CTNNA3: variants seen among roughly 807,000 people sequenced by gnomAD.
The protein encoded by CTNNA3 is catenin alpha 3.
Under a neutral mutation model 95.7 loss-of-function variants are expected in CTNNA3, and 76 were observed. That is an observed-to-expected ratio of 0.79 (90% confidence interval 0.66 to 0.96). CTNNA3 has a LOEUF of 0.96. Ranked by LOEUF, CTNNA3 falls within the 40% of genes least tolerant of loss-of-function variation. The pLI is 0.00. For synonymous variants in CTNNA3, 431 were observed against 374.4 expected (o/e 1.15, Z -1.74); for missense variants, 1,191 against 1,089.8 (o/e 1.09, Z -1.31).
chr10:67,620,133 G>A (rs1195395030), intron 2 of CTNNA3, among the ~76,000 whole-genome samples: 1 of 152,156 alleles, frequency 6.6e-6, no homozygotes, highest in African/African-American at 2.4e-5. Context: ...ATGTAGCTGG[G>A]ACTTCGAATC....
At chr10:66,720,501 A>G (rs1437138263) in intron 9 of CTNNA3, among the ~76,000 whole-genome samples, 1 of 152,156 alleles carries the variant, frequency 6.6e-6, no homozygotes, top group African/African-American at 2.4e-5. Flanking sequence ...TTCTCTCTCT[A>G]ATGTGACTGA....
At chr10:66,083,363 C>G (rs1037917753) in intron 14 of CTNNA3, among the ~76,000 whole-genome samples, 4 of 152,124 alleles carry the variant, frequency 2.6e-5, no homozygotes, top group Admixed American at 6.5e-5. Context: ...GCAACTGGAC[C>G]AAGCAGCCTA....
At chr10:66,398,050 A>G (rs757155347) in intron 11 of CTNNA3, among the ~76,000 whole-genome samples, 8 of 151,896 alleles carry the variant, frequency 5.3e-5, no homozygotes, top group Non-Finnish European at 1.2e-4. Context: ...TATTTATATA[A>G]AAGATATTTT....
At chr10:66,324,185 T>G (rs143594790) in intron 12 of CTNNA3, among the ~76,000 whole-genome samples, 2 of 151,764 alleles carry the variant, frequency 1.3e-5, no homozygotes, top group Admixed American at 6.6e-5. Context: ...CCAGGTGTGG[T>G]GGCGCACACC....
At chr10:66,506,134 C>T (rs143201838) in intron 11 of CTNNA3, among the ~76,000 whole-genome samples, 1 of 152,042 alleles carries the variant, frequency 6.6e-6, no homozygotes, top group Non-Finnish European at 1.5e-5. Context: ...CCTGCCCTTG[C>T]AGGAATAAAT....
chr10:66,465,521 T>G (rs1838876353), intron 11 of CTNNA3, among the ~76,000 whole-genome samples: 1 of 152,130 alleles, frequency 6.6e-6, no homozygotes, highest in Non-Finnish European at 1.5e-5. Flanking sequence ...CTGAAGCGTG[T>G]TTTTCAATCT....
At chr10:66,526,552 A>G (rs1360584867) in intron 10 of CTNNA3, among the ~76,000 whole-genome samples, 1 of 152,222 alleles carries the variant, frequency 6.6e-6, no homozygotes, top group East Asian at 1.9e-4. Flanking sequence ...ACCATTTTGT[A>G]TTCATATCTG....
intron 5 of CTNNA3, among the ~76,000 whole-genome samples, chr10:67,341,978 C>T (rs1468700572): frequency 2.0e-5 from 3 of 147,426 alleles, no homozygotes; most frequent in South Asian, 2.2e-4. Context: ...TGCCTTTTTG[C>T]CATTTATGTG....
At chr10:66,486,323 A>C (rs1239580138) in intron 11 of CTNNA3, among the ~76,000 whole-genome samples, 7 of 152,222 alleles carry the variant, frequency 4.6e-5, no homozygotes, top group African/African-American at 1.7e-4. Flanking sequence ...AGATATCCAA[A>C]TTACATAATG....
chr10:67,457,193 T>A (rs892149990), intron 5 of CTNNA3, among the ~76,000 whole-genome samples: 2 of 152,146 alleles, frequency 1.3e-5, no homozygotes, highest in South Asian at 2.1e-4. Context: ...AGGTCCTGGA[T>A]GAAAAGGTAT....
At chr10:67,604,448 G>T (rs991202835) in intron 3 of CTNNA3, among the ~76,000 whole-genome samples, 2 of 152,146 alleles carry the variant, frequency 1.3e-5, no homozygotes, top group African/African-American at 2.4e-5. Flanking sequence ...TACTAAAAAT[G>T]ATTTTAAGCA....
intron 11 of CTNNA3, among the ~76,000 whole-genome samples, chr10:66,430,290 G>T (rs12266540): frequency 3.9e-5 from 6 of 152,004 alleles, no homozygotes; most frequent in African/African-American, 1.2e-4. Flanking sequence ...CATGCTCATG[G>T]ACAGGAAGAA....
intron 2 of CTNNA3, among the ~76,000 whole-genome samples, chr10:67,639,036 T>TA (rs1004675695): frequency 2.6e-5 from 4 of 151,816 alleles, no homozygotes; most frequent in African/African-American, 4.8e-5. Context: ...AATAGACACA[T>TA]AAAAAACCCT....
chr10:67,744,918 T>A, intron 1 of CTNNA3, among the ~76,000 whole-genome samples: 1 of 152,058 alleles, frequency 6.6e-6, no homozygotes, highest in Non-Finnish European at 1.5e-5. Context: ...ATGCTCATCA[T>A]CACTGGCCAT....
intron 9 of CTNNA3, among the ~76,000 whole-genome samples, chr10:66,733,134 T>C (rs1849016727): frequency 6.6e-6 from 1 of 152,048 alleles, no homozygotes; most frequent in Non-Finnish European, 1.5e-5. Context: ...CTTTATTATA[T>C]TCAAGTAAGA....
chr10:66,432,243 C>G (rs1011943891), intron 11 of CTNNA3, among the ~76,000 whole-genome samples: 1 of 152,036 alleles, frequency 6.6e-6, no homozygotes, highest in Non-Finnish European at 1.5e-5. Context: ...GTATCAAAAG[C>G]TAACCTACTC....
chr10:66,850,113 G>T (rs1038346466), intron 7 of CTNNA3, among the ~76,000 whole-genome samples: 1 of 151,904 alleles, frequency 6.6e-6, no homozygotes, highest in Non-Finnish European at 1.5e-5. Context: ...AGTTAATCAA[G>T]AAATAAAGAA....
intron 7 of CTNNA3, among the ~76,000 whole-genome samples, chr10:67,075,893 G>A (rs879793382): frequency 2.0e-5 from 3 of 152,214 alleles, no homozygotes; most frequent in Non-Finnish European, 2.9e-5. Flanking sequence ...TTCAACGAAG[G>A]TGTGGAGCAT....
chr10:66,644,698 T>C (rs1267064695), intron 9 of CTNNA3, among the ~76,000 whole-genome samples: 4 of 101,964 alleles, frequency 3.9e-5, no homozygotes, highest in African/African-American at 8.8e-5. Flanking sequence ...GTCTTGACAC[T>C]GATATAACTC....
Sources: allele counts gnomAD v4.1 joint callset (sites outside exome capture counted in the v4.1 genomes callset), GRCh38; gene constraint gnomAD v4.1.1; transcripts MANE v1.5; gene names NCBI Gene and HGNC (gene_info 2026-07-23, HGNC 2026-07-21).